YTHDF2: variants seen among roughly 807,000 people sequenced by gnomAD.
The protein encoded by YTHDF2 is YTH domain-containing family protein 2.
A neutral mutation model predicts 50.4 loss-of-function variants in YTHDF2; 2 were observed. The observed-to-expected ratio is 0.04, with a 90% CI of 0.02 to 0.12. The LOEUF is 0.12. Among genes scored for constraint, YTHDF2 ranks in the 10% least tolerant of loss-of-function variants. The pLI, the probability that YTHDF2 is intolerant of heterozygous loss-of-function variation, is 1.00. For missense variants in YTHDF2, 483 were observed against 722.6 expected (o/e 0.67, Z 3.80); for synonymous variants, 217 against 255.6 (o/e 0.85, Z 1.44).
intron 4 of YTHDF2, among the ~76,000 whole-genome samples, chr1:28,745,879 AAAAG>A (rs1001904834): frequency 1.4e-4 from 17 of 124,512 alleles, no homozygotes; most frequent in African/African-American, 4.5e-4. Flanking sequence ...ATCTCTCTAA[AAAAG>A]AAAAAATTAG....
intron 4 of YTHDF2, among the ~76,000 whole-genome samples, chr1:28,768,152 C>G (rs545734238): frequency 6.6e-6 from 1 of 151,840 alleles, no homozygotes; most frequent in Non-Finnish European, 1.5e-5. Context: ...GAGCGAAGAT[C>G]GCGCCATTGT....
chr1:28,749,266 A>G (rs1458864315), intron 4 of YTHDF2, among the ~76,000 whole-genome samples: 1 of 134,536 alleles, frequency 7.4e-6, no homozygotes, highest in African/African-American at 2.9e-5. Flanking sequence ...TTCTCGGCCC[A>G]CTGCAAGCTC....
At chr1:28,748,141 CAAAA>C (rs915765235) in intron 4 of YTHDF2, among the ~76,000 whole-genome samples, 1 of 150,040 alleles carries the variant, frequency 6.7e-6, no homozygotes, top group South Asian at 2.1e-4. Context: ...AAAAAAAAAC[CAAAA>C]AAAAGAACTG....
At chr1:28,752,751 C>G (rs2087976746) in intron 4 of YTHDF2, among the ~76,000 whole-genome samples, 1 of 150,274 alleles carries the variant, frequency 6.7e-6, no homozygotes, top group Non-Finnish European at 1.5e-5. Flanking sequence ...TTTTCAATAA[C>G]ACAAAAATTT....
rs758387954 is a variant in YTHDF2 at position 28,743,217 on chromosome 1, C to T, written c.947C>T (p.Pro316Leu). The T allele has an allele frequency of 8.1e-6, 13 of 1,614,016 alleles. No homozygotes were observed. Among genetic ancestry groups the T allele is most frequent in the African/African-American group, 8.0e-5 (6 of 74,914 alleles). The stretch of plus-strand genomic sequence containing the variant: ...GGTCAGCAGGCTAACAATAGCCCAC[C>T]AGTGGCTCAGGCATCAGTAGGGCAA... The part of the protein sequence containing the change: ...PVGQQANNSP[P>L]VAQASVGQQT... The change falls in exon 4 of 5, where the codon CCA (proline) becomes CTA (leucine). Residue 316 changes from proline to leucine, a missense_variant. Pro to Leu is a moderately conservative substitution (Grantham distance 98). Transcript: ENST00000373812. This position sits in a 1 kb window ranked among gnomAD's most constrained non-coding sequence, Gnocchi z 6.9.
intron 4 of YTHDF2, among the ~76,000 whole-genome samples, chr1:28,763,893 A>G (rs1001634511): frequency 1.4e-5 from 2 of 147,378 alleles, no homozygotes; most frequent in African/African-American, 5.0e-5. Flanking sequence ...CCTATTATAT[A>G]TACTTTAACT....
intron 4 of YTHDF2, among the ~76,000 whole-genome samples, chr1:28,762,455 A>T (rs936887108): frequency 6.6e-6 from 1 of 152,212 alleles, no homozygotes; most frequent in African/African-American, 2.4e-5. Flanking sequence ...TTATATTGTC[A>T]GCTGGGGTGC....
intron 4 of YTHDF2, among the ~76,000 whole-genome samples, chr1:28,749,382 G>A (rs920239257): frequency 1.5e-4 from 23 of 151,770 alleles, no homozygotes; most frequent in Admixed American, 4.6e-4. Flanking sequence ...GGTTTTCACC[G>A]TGTTAGCCAG....
chr1:28,766,619 A>G (rs2088222837), intron 4 of YTHDF2, among the ~76,000 whole-genome samples: 1 of 152,066 alleles, frequency 6.6e-6, no homozygotes, highest in African/African-American at 2.4e-5. Context: ...AAAATAGTTG[A>G]CACTATGTAA....
intron 4 of YTHDF2, 145 bp from the exon 5 acceptor site, chr1:28,768,784 G>A: frequency 1.7e-6 from 1 of 584,148 alleles, no homozygotes; most frequent in Non-Finnish European, 2.7e-6. Context: ...GTTTTTCTTT[G>A]TGGGGAATGT....
At chr1:28,737,853 A>T in intron 2 of YTHDF2, 171 bp downstream of exon 2, 1 of 697,210 alleles carries the variant, frequency 1.4e-6, no homozygotes, top group Non-Finnish European at 2.3e-6. Context: ...GCTGGCGAAC[A>T]GCTTTTTCGC....
At chr1:28,763,685 G>T (rs1184004748) in intron 4 of YTHDF2, among the ~76,000 whole-genome samples, 5 of 151,364 alleles carry the variant, frequency 3.3e-5, no homozygotes, top group African/African-American at 1.2e-4. Context: ...TCGATCTCCT[G>T]ACCTGGTGAT....
chr1:28,738,465 G>A, intron 3 of YTHDF2, 127 bp downstream of exon 3: 1 of 893,924 alleles, frequency 1.1e-6, no homozygotes. Flanking sequence ...GTTTTTTTGA[G>A]ACTGAGTCTC....
intron 4 of YTHDF2, among the ~76,000 whole-genome samples, chr1:28,757,479 CAA>C (rs2088050749): frequency 6.6e-6 from 1 of 152,244 alleles, no homozygotes; most frequent in Non-Finnish European, 1.5e-5. Flanking sequence ...TGTTGGTTCT[CAA>C]GAGATGTTCA....
intron 4 of YTHDF2, among the ~76,000 whole-genome samples, chr1:28,744,927 AG>A (rs1191606177): frequency 6.6e-6 from 1 of 152,164 alleles, no homozygotes; most frequent in African/African-American, 2.4e-5. Context: ...TGCCTCCCAA[AG>A]TGCTGGGATT....
chr1:28,752,175 C>T (rs892347231), intron 4 of YTHDF2, among the ~76,000 whole-genome samples: 1 of 152,158 alleles, frequency 6.6e-6, no homozygotes, highest in Non-Finnish European at 1.5e-5. Flanking sequence ...TTATAATTAC[C>T]ATCGTATTAG....
At chr1:28,763,086 C>T (rs2088158821) in intron 4 of YTHDF2, among the ~76,000 whole-genome samples, 1 of 152,090 alleles carries the variant, frequency 6.6e-6, no homozygotes, top group African/African-American at 2.4e-5. Flanking sequence ...CTCGGCCTCC[C>T]AAAGTGCTGG....
intron 4 of YTHDF2, among the ~76,000 whole-genome samples, chr1:28,768,398 T>G (rs751250137): frequency 7.9e-5 from 12 of 151,952 alleles, no homozygotes; most frequent in Admixed American, 2.0e-4. Flanking sequence ...GGGTTTGTTT[T>G]TTTTTTTCTG....
intron 4 of YTHDF2, among the ~76,000 whole-genome samples, chr1:28,755,863 A>G (rs1048704666): frequency 6.6e-6 from 1 of 152,184 alleles, no homozygotes; most frequent in Non-Finnish European, 1.5e-5. Context: ...ATCTACAAAT[A>G]TTCAAAAAAT....
Sources: gnomAD v4.1 joint callset for allele counts (sites outside exome capture counted in the v4.1 genomes callset) on GRCh38, gnomAD v4.1.1 for gene constraint, Gnocchi (gnomAD v3.1) non-coding constraint, MANE v1.5 for transcripts, NCBI Gene and HGNC (gene_info 2026-07-23, HGNC 2026-07-21) for gene names.